Variants in ROCK2 observed in about 807,000 individuals in gnomAD.
ROCK2 encodes rho-associated protein kinase 2.
A neutral mutation model predicts 195.1 loss-of-function variants in ROCK2; 61 were observed. The observed-to-expected ratio is 0.31, with a 90% CI of 0.25 to 0.39. ROCK2 has a LOEUF of 0.39. Among genes scored for constraint, ROCK2 ranks in the 10% least tolerant of loss-of-function variants. The pLI is 1.00. For missense variants in ROCK2, 1,109 were observed against 1,637.4 expected (o/e 0.68, Z 5.57); for synonymous variants, 504 against 545.5 (o/e 0.92, Z 1.06).
chr2:11,192,469 TCTC>T lies in ROCK2; in HGVS notation c.3928_3930del (p.Glu1310del), dbSNP rs1161254784. The T allele has an allele frequency of 1.2e-6, 2 of 1,614,022 alleles. No homozygotes were observed. The highest frequency in any genetic ancestry group is 1.7e-6 in the Non-Finnish European group (2 of 1,180,012). ...CATTTACCTTTGCAAGGTGCTATAA[TCTC>T]CTCCTTTTTGTCCATATGATCTTTA... On this transcript the variant is annotated inframe_deletion, in exon 31 of 33. Transcript: ENST00000315872. This position sits in a 1 kb window ranked among gnomAD's most constrained non-coding sequence, Gnocchi z 5.0.
rs1669215868 is a variant in ROCK2 at position 11,344,355 on chromosome 2, G to C, written c.-219C>G. The stretch of plus-strand genomic sequence containing the variant: ...CGGCCCAGCCCGGCCCGGCCCTGCC[G>C]GGAGCGGCGGGGAACAGACGGCGTC... On this transcript the variant is annotated 5_prime_UTR_variant, in exon 1 of 33. Transcript: ENST00000315872. This position sits in a 1 kb window ranked among gnomAD's most constrained non-coding sequence, Gnocchi z 5.4. 2 of 1,058,102 alleles carry C rather than the reference G, an allele frequency of 1.9e-6. No individual in the cohort carries two copies. Among genetic ancestry groups the C allele is most frequent in the African/African-American group, 1.7e-5 (1 of 59,920 alleles). The allele number at this position is 1,058,102 out of a possible 1,614,324, so 65.5% of individuals were successfully genotyped here. A position where few individuals can be genotyped will look rare whatever the true frequency, so the allele number is the denominator to read the frequency against.
chr2:11,186,080 TGA>T (rs1342447716), intron 32 of ROCK2, among the ~76,000 whole-genome samples: 2 of 152,238 alleles, frequency 1.3e-5, no homozygotes, highest in African/African-American at 4.8e-5. Flanking sequence ...GGTTAATGGA[TGA>T]TTACTCTAAT....
At chr2:11,327,949 C>G (rs574350601) in intron 1 of ROCK2, among the ~76,000 whole-genome samples, 4 of 152,068 alleles carry the variant, frequency 2.6e-5, no homozygotes, top group Admixed American at 6.5e-5. Flanking sequence ...TTGTGATAAG[C>G]TGACAAAACA....
At chr2:11,328,774 G>A (rs1300810823) in intron 1 of ROCK2, among the ~76,000 whole-genome samples, 1 of 152,018 alleles carries the variant, frequency 6.6e-6, no homozygotes, top group Non-Finnish European at 1.5e-5. Context: ...GTACAGACAT[G>A]GATGAAATTG....
intron 1 of ROCK2, among the ~76,000 whole-genome samples, chr2:11,325,568 G>A (rs1668522960): frequency 6.6e-6 from 1 of 152,192 alleles, no homozygotes; most frequent in African/African-American, 2.4e-5. Context: ...TGGGATATGA[G>A]AGAAAGGGAG....
In ROCK2 at chr2:11,183,431, A is replaced by T. The variant is rs1408221346; in HGVS notation, c.*6T>A. On this transcript the variant is annotated 3_prime_UTR_variant, in exon 33 of 33. Transcript: ENST00000315872. Reference sequence around the variant, plus strand: ...CTTGAATAATGACTGCTTTCATAGAAGGCAGTTAGCTGAAAAGAAAGGAAA... The same window carrying T: ...CTTGAATAATGACTGCTTTCATAGATGGCAGTTAGCTGAAAAGAAAGGAAA... 1 of 1,596,752 alleles carries T rather than the reference A, an allele frequency of 6.3e-7. No individual in the cohort carries two copies. The highest frequency in any genetic ancestry group is 8.6e-7 in the Non-Finnish European group (1 of 1,168,376).
intron 1 of ROCK2, among the ~76,000 whole-genome samples, chr2:11,320,954 A>G (rs1435566225): frequency 1.3e-5 from 2 of 152,228 alleles, no homozygotes; most frequent in African/African-American, 2.4e-5. Flanking sequence ...TAGAGTCTTC[A>G]GTAGAGAACA....
chr2:11,334,079 T>C (rs936243254), intron 1 of ROCK2, among the ~76,000 whole-genome samples: 3 of 152,208 alleles, frequency 2.0e-5, no homozygotes, highest in African/African-American at 4.8e-5. Flanking sequence ...TCCCTGCATA[T>C]ATAGATGTTT....
At chr2:11,319,065 C>T (rs569072421) in intron 1 of ROCK2, among the ~76,000 whole-genome samples, 6,454 of 152,062 alleles carry the variant, frequency 0.042, 277 homozygotes, top group Non-Finnish European at 0.06. Context: ...TCTTTTGGCT[C>T]AGGATTGACT....
In ROCK2 at chr2:11,182,427, T is replaced by C. The variant is rs1663039579; in HGVS notation, c.*1010A>G. The C allele has an allele frequency of 6.6e-6, 1 of 152,136 alleles. No individual in the cohort carries two copies. Among genetic ancestry groups the C allele is most frequent in the Non-Finnish European group, 1.5e-5 (1 of 68,034 alleles). 9.4% of individuals were successfully genotyped at this position (152,136 alleles called of 1,614,324 possible). On this transcript the variant is annotated 3_prime_UTR_variant, in exon 33 of 33. Coordinates refer to ENST00000315872, the MANE Select transcript of ROCK2 (RefSeq NM_004850.5). Reference sequence around the variant, plus strand: ...AAAATATTTTGTAGTCACAGACTAATACTGAGGTCTGTAAAAAGAGTTGAA... The same window carrying C: ...AAAATATTTTGTAGTCACAGACTAACACTGAGGTCTGTAAAAAGAGTTGAA...
intron 3 of ROCK2, among the ~76,000 whole-genome samples, chr2:11,282,921 T>A (rs1335782570): frequency 6.6e-6 from 1 of 151,714 alleles, no homozygotes; most frequent in Non-Finnish European, 1.5e-5. Context: ...TAAAAAAAAA[T>A]AAACAACCCA....
At chr2:11,306,631 C>T (rs1487305300) in intron 1 of ROCK2, among the ~76,000 whole-genome samples, 1 of 152,176 alleles carries the variant, frequency 6.6e-6, no homozygotes, top group Non-Finnish European at 1.5e-5. Context: ...AAAATAAGTT[C>T]ACTTTCTCAA....
chr2:11,318,100 T>C (rs1668282841), intron 1 of ROCK2, among the ~76,000 whole-genome samples: 1 of 152,208 alleles, frequency 6.6e-6, no homozygotes, highest in Non-Finnish European at 1.5e-5. Context: ...TACAGCAGCA[T>C]GATGTATAAT....
chr2:11,284,945 T>C (rs1332971319), intron 3 of ROCK2, among the ~76,000 whole-genome samples: 2 of 152,170 alleles, frequency 1.3e-5, no homozygotes, highest in Admixed American at 6.5e-5. Context: ...CGTGCTACCA[T>C]TGCTCCCAAA....
intron 28 of ROCK2, among the ~76,000 whole-genome samples, chr2:11,194,706 A>G (rs1183510496): frequency 6.6e-6 from 1 of 152,096 alleles, no homozygotes; most frequent in African/African-American, 2.4e-5. Flanking sequence ...TTCTTTTCCC[A>G]ACAAAACAGC....
At chr2:11,300,734 T>C (rs551478240) in intron 1 of ROCK2, among the ~76,000 whole-genome samples, 2 of 152,282 alleles carry the variant, frequency 1.3e-5, no homozygotes, top group South Asian at 4.1e-4. Flanking sequence ...TTCTACAAAA[T>C]AGTACACTGT....
chr2:11,232,246 A>G (rs1434520943), intron 5 of ROCK2, among the ~76,000 whole-genome samples: 2 of 151,968 alleles, frequency 1.3e-5, no homozygotes, highest in Admixed American at 6.6e-5. Context: ...CTCATGCCTC[A>G]GCCACCCAAG....
In ROCK2 at chr2:11,317,220, A is replaced by G. The variant is rs140464239; in HGVS notation, c.141+26776T>C. 2.1e-3 allele frequency among the ~76,000 whole-genome samples: 320 copies of G among 152,168 alleles called. 2 individuals carry two copies. The highest frequency in any genetic ancestry group is 9.8e-3 in the Admixed American group (149 of 15,262). ...GAAACAAAAGAAATAAGTGGCCTGA[A>G]ATAATAAATTTAGTCACTTTTACAG... is the stretch of plus-strand genomic sequence containing the variant. On this transcript the variant is annotated intron_variant, in intron 1 of 32. Transcript: ENST00000315872.
intron 1 of ROCK2, among the ~76,000 whole-genome samples, chr2:11,322,264 C>T (rs1052192199): frequency 6.6e-6 from 1 of 152,008 alleles, no homozygotes; most frequent in Non-Finnish European, 1.5e-5. Context: ...GTGTTAACAT[C>T]ATGTTGTACA....
Sources: allele counts gnomAD v4.1 joint callset (sites outside exome capture counted in the v4.1 genomes callset), GRCh38; gene constraint gnomAD v4.1.1; non-coding constraint Gnocchi (gnomAD v3.1); transcripts MANE v1.5; gene names NCBI Gene and HGNC (gene_info 2026-07-23, HGNC 2026-07-21).